The following ANO6 variants were observed in gnomAD, a reference collection of about 807,000 sequenced individuals.
The protein encoded by ANO6 is anoctamin-6.
Under a neutral mutation model 117.5 loss-of-function variants are expected in ANO6, and 106 were observed. The observed-to-expected ratio is 0.90, with a 90% CI of 0.77 to 1.06. The LOEUF is 1.06. ANO6 is among the 50% of genes least tolerant of loss of function. ANO6 has a pLI of 0.00. For missense variants in ANO6, 955 were observed against 1,121.1 expected (o/e 0.85, Z 2.12); for synonymous variants, 367 against 385.1 (o/e 0.95, Z 0.55).
At chr12:45,398,845 A>G (rs937999785) in intron 12 of ANO6, among the ~76,000 whole-genome samples, 14 of 152,218 alleles carry the variant, frequency 9.2e-5, no homozygotes, top group Non-Finnish European at 5.9e-5. Context: ...TGTAGATAGT[A>G]GATAAATTTT....
chr12:45,347,519 A>G (rs1022599491), intron 4 of ANO6: 1 of 184,312 alleles, frequency 5.4e-6, no homozygotes, highest in East Asian at 1.5e-4. Context: ...AAAGGAGAAA[A>G]TTACCACTTC....
intron 2 of ANO6, among the ~76,000 whole-genome samples, chr12:45,320,754 A>C (rs994324541): frequency 1.2e-4 from 19 of 152,128 alleles, no homozygotes; most frequent in Admixed American, 2.6e-4. Context: ...TGGGTGTCTA[A>C]GTCTCTTTGT....
chr12:45,431,671 G>A lies in ANO6; in HGVS notation c.*2360G>A, dbSNP rs542970310. The A allele has an allele frequency of 2.1e-5, 21 of 985,410 alleles. No homozygotes were observed. Among genetic ancestry groups the A allele is most frequent in the Middle Eastern group, 5.2e-4 (1 of 1,914 alleles). The allele number at this position is 985,410 out of a possible 1,614,324, so 61.0% of individuals were successfully genotyped here. A position where few individuals can be genotyped will look rare whatever the true frequency, so the allele number is the denominator to read the frequency against. On this transcript the variant is annotated 3_prime_UTR_variant, in exon 20 of 20. Coordinates refer to ENST00000320560, the MANE Select transcript of ANO6 (RefSeq NM_001025356.3). ...CCACAGTGTTTGTTAGTGAGTCCAC[G>A]GCTGACTTGCAGTGATAAAGAAAAG...
chr12:45,243,676 A>G (rs1947780177), intron 1 of ANO6, among the ~76,000 whole-genome samples: 1 of 151,788 alleles, frequency 6.6e-6, no homozygotes, highest in African/African-American at 2.4e-5. Context: ...CAGCCTCCCA[A>G]GTAGCTGAGA....
At chr12:45,418,128 C>T (rs922617298) in intron 17 of ANO6, among the ~76,000 whole-genome samples, 8 of 152,054 alleles carry the variant, frequency 5.3e-5, no homozygotes, top group Admixed American at 2.6e-4. Flanking sequence ...TTAACAGTAA[C>T]GCTGTGAGGA....
chr12:45,267,265 G>T (rs1383965752), intron 1 of ANO6, among the ~76,000 whole-genome samples: 1 of 152,086 alleles, frequency 6.6e-6, no homozygotes, highest in African/African-American at 2.4e-5. Flanking sequence ...CCCTCACATG[G>T]TCTTTCCTCT....
chr12:45,344,588 C>A (rs767155318), intron 3 of ANO6, among the ~76,000 whole-genome samples: 3 of 152,122 alleles, frequency 2.0e-5, no homozygotes, highest in Admixed American at 6.5e-5. Flanking sequence ...AATCCGCCCC[C>A]ATGATTAAAT....
chr12:45,318,411 T>C (rs1218521298), intron 2 of ANO6, among the ~76,000 whole-genome samples: 3 of 152,208 alleles, frequency 2.0e-5, no homozygotes, highest in Non-Finnish European at 4.4e-5. Flanking sequence ...TTTTCTCAGG[T>C]TTGTCAAAGA....
intron 15 of ANO6, among the ~76,000 whole-genome samples, chr12:45,407,541 C>CCTTTTA (rs1942974295): frequency 7.7e-6 from 1 of 129,910 alleles, no homozygotes; most frequent in African/African-American, 2.8e-5. Context: ...TTATCTCAGA[C>CCTTTTA]CTTTTAGTTG....
At chr12:45,344,271 A>G (rs1941065616) in intron 3 of ANO6, among the ~76,000 whole-genome samples, 1 of 152,214 alleles carries the variant, frequency 6.6e-6, no homozygotes, top group African/African-American at 2.4e-5. Flanking sequence ...GCACTCAAGA[A>G]ATGTTTGTAA....
chr12:45,371,896 G>C (rs1425658649), intron 9 of ANO6, among the ~76,000 whole-genome samples: 10 of 149,952 alleles, frequency 6.7e-5, no homozygotes, highest in East Asian at 6.1e-4. Context: ...GAAGGCTTCA[G>C]ACGATCAAAT....
intron 19 of ANO6, among the ~76,000 whole-genome samples, chr12:45,439,454 A>G (rs751182625): frequency 6.6e-6 from 1 of 152,146 alleles, no homozygotes; most frequent in Non-Finnish European, 1.5e-5. Flanking sequence ...GGCAAATCAA[A>G]CAAGGCTATC....
At position 45,293,731 on chromosome 12, in the gene ANO6, T is replaced by TTTG. The variant is rs1939188490; in HGVS notation, c.71-8281_71-8280insGTT. 6.1e-5 allele frequency among the ~76,000 whole-genome samples: 7 copies of TTTG among 114,218 alleles called. 1 individual carries two copies. The allele number at this position is 114,218 out of a possible 152,430, so 74.9% of individuals were successfully genotyped here. ...GCCTGCCACCATGCCTGGCTAATGT[T>TTTG]TTTTTTTTTTTTTTTTTTTTTTTTT... On this transcript the variant is annotated intron_variant, in intron 1 of 19. Transcript: ENST00000320560.
chr12:45,365,327 G>T (rs1941656559), intron 8 of ANO6, among the ~76,000 whole-genome samples: 1 of 152,168 alleles, frequency 6.6e-6, no homozygotes. Context: ...GCAATCTCAG[G>T]AATATGTTGG....
intron 1 of ANO6, among the ~76,000 whole-genome samples, chr12:45,251,810 A>G (rs764249757): frequency 6.6e-5 from 10 of 152,194 alleles, no homozygotes; most frequent in Non-Finnish European, 1.5e-4. Context: ...AGTTTGTTCA[A>G]TTGTGGTAAA....
chr12:45,307,249 C>CAGGGGCAG (rs1939700957), intron 2 of ANO6, among the ~76,000 whole-genome samples: 1 of 152,038 alleles, frequency 6.6e-6, no homozygotes, highest in Admixed American at 6.6e-5. Context: ...AGGAGCAGAG[C>CAGGGGCAG]AGGGGCAGAG....
chr12:45,386,295 T>C (rs1307759998), intron 10 of ANO6, among the ~76,000 whole-genome samples: 1 of 152,172 alleles, frequency 6.6e-6, no homozygotes, highest in Non-Finnish European at 1.5e-5. Context: ...ATCCAGATCT[T>C]CCTCCTATGT....
chr12:45,228,616 A>G (rs765772928), intron 1 of ANO6, among the ~76,000 whole-genome samples: 5 of 152,156 alleles, frequency 3.3e-5, no homozygotes, highest in African/African-American at 1.2e-4. Flanking sequence ...TTAGAGTTCT[A>G]CATGATTCTG....
intron 16 of ANO6, among the ~76,000 whole-genome samples, chr12:45,413,233 A>C (rs1943131564): frequency 6.6e-6 from 1 of 152,350 alleles, no homozygotes; most frequent in Non-Finnish European, 1.5e-5. Flanking sequence ...AGGCTACAGC[A>C]GGTAACCCAG....
Sources: allele counts gnomAD v4.1 joint callset (sites outside exome capture counted in the v4.1 genomes callset), GRCh38; gene constraint gnomAD v4.1.1; transcripts MANE v1.5; gene names NCBI Gene and HGNC (gene_info 2026-07-23, HGNC 2026-07-21).